COL11A1: variants seen among roughly 807,000 people sequenced by gnomAD.
COL11A1 encodes the protein collagen alpha-1(XI) chain.
A neutral mutation model predicts 265.2 loss-of-function variants in COL11A1; 74 were observed. The ratio of observed to expected loss-of-function variants is 0.28; its 90% CI spans 0.23 to 0.34. The LOEUF (loss-of-function observed/expected upper bound fraction) is 0.34. COL11A1 is among the 10% of genes least tolerant of loss of function. The pLI, the probability that COL11A1 is intolerant of heterozygous loss-of-function variation, is 1.00. For synonymous variants in COL11A1, 816 were observed against 727.6 expected (o/e 1.12, Z -1.96); for missense variants, 2,165 against 2,263.6 (o/e 0.96, Z 0.88).
chr1:102,940,015 A>T (rs1050562998), intron 43 of COL11A1, among the ~76,000 whole-genome samples: 12 of 152,048 alleles, frequency 7.9e-5, no homozygotes, highest in Non-Finnish European at 1.3e-4. Context: ...CATGTAATTA[A>T]TTTTTTTATT....
intron 1 of COL11A1, among the ~76,000 whole-genome samples, chr1:103,087,719 G>A (rs906194120): frequency 1.3e-5 from 2 of 152,164 alleles, no homozygotes; most frequent in Admixed American, 6.5e-5. Flanking sequence ...ACCTGGTAAT[G>A]CATCTTCTGC....
chr1:102,906,583 A>C (rs1654010873), intron 54 of COL11A1, among the ~76,000 whole-genome samples: 1 of 151,902 alleles, frequency 6.6e-6, no homozygotes, highest in Non-Finnish European at 1.5e-5. Flanking sequence ...AATTTTTAAA[A>C]GTTTCTGTGA....
chr1:103,096,462 C>T (rs1373470257), intron 1 of COL11A1, among the ~76,000 whole-genome samples: 3 of 151,912 alleles, frequency 2.0e-5, no homozygotes, highest in African/African-American at 7.2e-5. Context: ...GTGAGAAGAA[C>T]AGGTTTCAGG....
At chr1:103,102,892 T>C (rs1674396219) in intron 1 of COL11A1, among the ~76,000 whole-genome samples, 1 of 152,020 alleles carries the variant, frequency 6.6e-6, no homozygotes, top group African/African-American at 2.4e-5. Context: ...ACTGGACTTC[T>C]AGAAATAAAT....
chr1:103,023,437 A>G (rs1447096584), intron 7 of COL11A1, among the ~76,000 whole-genome samples: 1 of 150,764 alleles, frequency 6.6e-6, no homozygotes, highest in African/African-American at 2.4e-5. Flanking sequence ...GGTTCACAGC[A>G]ACCTCCACCT....
chr1:103,042,654 C>T (rs1262594392), intron 4 of COL11A1, among the ~76,000 whole-genome samples: 1 of 152,102 alleles, frequency 6.6e-6, no homozygotes, highest in East Asian at 1.9e-4. Flanking sequence ...GTCTGGGACC[C>T]TTATCACTAT....
At chr1:102,946,515 G>A (rs111390713) in intron 42 of COL11A1, among the ~76,000 whole-genome samples, 41 of 151,648 alleles carry the variant, frequency 2.7e-4, no homozygotes, top group African/African-American at 9.7e-4. Context: ...GGTGTAAAAA[G>A]TTCACACTTT....
At chr1:103,056,658 G>T (rs926434805) in intron 4 of COL11A1, among the ~76,000 whole-genome samples, 1 of 152,096 alleles carries the variant, frequency 6.6e-6, no homozygotes, top group South Asian at 2.1e-4. Context: ...AACCTGCTGG[G>T]ATTTCATCAT....
rs763322647 is a variant in COL11A1 at position 103,022,986 on chromosome 1, A to C, written c.1001T>G (p.Val334Gly). The change falls in exon 8 of 67, where the codon GTT (valine) becomes GGT (glycine). Residue 334 changes from valine to glycine, a missense_variant. Val to Gly is a moderately radical substitution (Grantham distance 109). Transcript: ENST00000370096. ...ATATTCTTCAGTAAATATTTCTTCA[A>C]CTGGATTTGGCTATTAATTTAAATT... ...HVSGTNEPNPVEEIFTEEYLT... is the reference protein window; with the variant it reads ...HVSGTNEPNPGEEIFTEEYLT... The C allele has an allele frequency of 6.2e-7, 1 of 1,612,576 alleles. No homozygotes were observed. Among genetic ancestry groups the C allele is most frequent in the South Asian group, 1.1e-5 (1 of 91,056 alleles).
intron 46 of COL11A1, among the ~76,000 whole-genome samples, chr1:102,932,407 T>C (rs1382273757): frequency 6.6e-6 from 1 of 152,252 alleles, no homozygotes. Flanking sequence ...CTTTAAGATG[T>C]TGAATATTGG....
intron 4 of COL11A1, among the ~76,000 whole-genome samples, chr1:103,040,231 C>T (rs1020667900): frequency 1.3e-5 from 2 of 151,202 alleles, no homozygotes; most frequent in South Asian, 2.1e-4. Flanking sequence ...AAAACATACC[C>T]CTAATATTTG....
intron 66 of COL11A1, 49 bp from the exon 67 acceptor site, chr1:102,878,214 T>A: frequency 6.6e-7 from 1 of 1,519,846 alleles, no homozygotes. Context: ...TTAATATTTT[T>A]AAATGCATCT....
At chr1:102,944,131 C>A (rs1659020167) in intron 42 of COL11A1, among the ~76,000 whole-genome samples, 1 of 152,088 alleles carries the variant, frequency 6.6e-6, no homozygotes, top group African/African-American at 2.4e-5. Context: ...TCACATCTTG[C>A]CTTTCTTTTA....
intron 22 of COL11A1, 54 bp from the exon 23 acceptor site, chr1:103,002,535 T>G: frequency 6.8e-7 from 1 of 1,469,112 alleles, no homozygotes; most frequent in South Asian, 1.2e-5. Flanking sequence ...ACAATAGATT[T>G]TTGTTCTTCT....
chr1:102,922,497 C>T (rs957749211), intron 47 of COL11A1, among the ~76,000 whole-genome samples: 4 of 152,124 alleles, frequency 2.6e-5, no homozygotes, highest in Non-Finnish European at 5.9e-5. Flanking sequence ...CCTGGGTTCA[C>T]GCCATTCTTC....
chr1:102,934,388 C>T, intron 46 of COL11A1, 61 bp downstream of exon 46: 1 of 1,228,312 alleles, frequency 8.1e-7, no homozygotes, highest in Middle Eastern at 1.9e-4. Flanking sequence ...TTACATCCAC[C>T]AGAAAACCTG....
intron 28 of COL11A1, among the ~76,000 whole-genome samples, chr1:102,990,833 G>C (rs10874671): frequency 0.6 from 90,452 of 151,610 alleles, 29,894 homozygotes; most frequent in East Asian, 0.91. Flanking sequence ...AGGAGTTCGA[G>C]ACCAGCCTGG....
At chr1:103,046,127 T>C (rs2102085420) in intron 4 of COL11A1, among the ~76,000 whole-genome samples, 1 of 151,804 alleles carries the variant, frequency 6.6e-6, no homozygotes, top group Non-Finnish European at 1.5e-5. Flanking sequence ...CCTTTAGGTA[T>C]ACACCCACTA....
chr1:103,048,936 T>C (rs1428169603), intron 4 of COL11A1, among the ~76,000 whole-genome samples: 1 of 152,226 alleles, frequency 6.6e-6, no homozygotes, highest in Non-Finnish European at 1.5e-5. Context: ...TCCTGGGTTC[T>C]AGTTTGATTG....
Sources: gnomAD v4.1 joint callset for allele counts (sites outside exome capture counted in the v4.1 genomes callset) on GRCh38, gnomAD v4.1.1 for gene constraint, MANE v1.5 for transcripts, NCBI Gene and HGNC (gene_info 2026-07-23, HGNC 2026-07-21) for gene names.